The following ASTN2 variants were observed in gnomAD, a reference collection of about 807,000 sequenced individuals.
ASTN2 encodes the protein astrotactin 2.
A neutral mutation model predicts 139.8 loss-of-function variants in ASTN2; 54 were observed. That is an observed-to-expected ratio of 0.39 (90% CI 0.31 to 0.48). The LOEUF is 0.48. ASTN2 is among the 20% of genes least tolerant of loss of function. The pLI is 0.95. For synonymous variants in ASTN2, 756 were observed against 719.5 expected (o/e 1.05, Z -0.81); for missense variants, 1,565 against 1,725.1 (o/e 0.91, Z 1.64).
intron 3 of ASTN2, among the ~76,000 whole-genome samples, chr9:117,213,519 A>G (rs1832210476): frequency 6.6e-6 from 1 of 152,336 alleles, no homozygotes; most frequent in South Asian, 2.1e-4. Context: ...TCTGATCACC[A>G]TATATCATAT....
intron 2 of ASTN2, 105 bp from the exon 3 acceptor site, chr9:117,214,847 G>T: frequency 8.0e-7 from 1 of 1,253,508 alleles, no homozygotes; most frequent in Non-Finnish European, 1.0e-6. Context: ...CCTGGGTTTG[G>T]CTCATAGAGC....
At chr9:116,937,487 T>C (rs1374850534) in intron 10 of ASTN2, among the ~76,000 whole-genome samples, 1 of 152,252 alleles carries the variant, frequency 6.6e-6, no homozygotes, top group African/African-American at 2.4e-5. Flanking sequence ...CTTTATTTAC[T>C]GGCACTATCT....
In ASTN2 at chr9:116,802,173, G is replaced by A. The variant is rs1354786771; in HGVS notation, c.2396+3459C>T. On this transcript the variant is annotated intron_variant, in intron 13 of 22. Coordinates refer to ENST00000313400, the MANE Select transcript of ASTN2 (RefSeq NM_001365068.1). ...CCACTATAGGCTCACTGCAAGCTCC[G>A]CCTCCCGGGTTTACGCCCTTCTCCT... is the stretch of plus-strand genomic sequence containing the variant. 5.5e-5 allele frequency among the ~76,000 whole-genome samples: 8 copies of A among 144,808 alleles called. 1 individual carries two copies. The highest frequency in any genetic ancestry group is 4.4e-4 in the South Asian group (2 of 4,512). The allele number at this position is 144,808 out of a possible 152,430, so 95.0% of individuals were successfully genotyped here.
intron 19 of ASTN2, among the ~76,000 whole-genome samples, chr9:116,598,484 T>C (rs1156687059): frequency 1.3e-5 from 2 of 152,214 alleles, no homozygotes; most frequent in South Asian, 2.1e-4. Context: ...ATGAGGTTGG[T>C]GCAAAATTAA....
At chr9:116,945,060 T>C (rs911858359) in intron 10 of ASTN2, among the ~76,000 whole-genome samples, 7 of 152,206 alleles carry the variant, frequency 4.6e-5, no homozygotes, top group African/African-American at 1.2e-4. Context: ...CGGTGGTTTA[T>C]ATCTCAAAAT....
chr9:116,715,996 G>T (rs916583628), intron 16 of ASTN2, among the ~76,000 whole-genome samples: 3 of 152,168 alleles, frequency 2.0e-5, no homozygotes, highest in African/African-American at 7.2e-5. Flanking sequence ...AGGCCATTTT[G>T]TTCTCATTAA....
intron 13 of ASTN2, among the ~76,000 whole-genome samples, chr9:116,774,380 G>A (rs1441751): frequency 0.022 from 3,352 of 152,268 alleles, 46 homozygotes; most frequent in Non-Finnish European, 0.035. Context: ...AAGGTATCCT[G>A]GATCCATGAA....
intron 2 of ASTN2, among the ~76,000 whole-genome samples, chr9:117,232,206 T>C (rs990973085): frequency 3.3e-5 from 5 of 152,308 alleles, no homozygotes; most frequent in Non-Finnish European, 5.9e-5. Context: ...CATGAGTGTA[T>C]TGTCTTGTTT....
In ASTN2 at chr9:117,337,448, C is replaced by G. The variant is rs180752147; in HGVS notation, c.443-45935G>C. On this transcript the variant is annotated intron_variant, in intron 1 of 22. Coordinates refer to ENST00000313400, the MANE Select transcript of ASTN2 (RefSeq NM_001365068.1). ...ATTATCTACCATATGTTTCAAAAGA[C>G]CAGGTATGTGATTATGCCTGGCATT... is the stretch of plus-strand genomic sequence containing the variant. Among the ~76,000 whole-genome samples the G allele has an allele frequency of 2.1e-3, 325 of 152,160 alleles. 1 individual carries two copies. The highest frequency in any genetic ancestry group is 7.5e-3 in the African/African-American group (313 of 41,500).
intron 3 of ASTN2, among the ~76,000 whole-genome samples, chr9:117,194,769 G>T (rs144930036): frequency 6.6e-6 from 1 of 152,162 alleles, no homozygotes; most frequent in Admixed American, 6.5e-5. Flanking sequence ...TCCATTATTT[G>T]TAGTTGTATA....
chr9:117,401,078 G>C (rs538080925), intron 1 of ASTN2, among the ~76,000 whole-genome samples: 1 of 152,214 alleles, frequency 6.6e-6, no homozygotes, highest in African/African-American at 2.4e-5. Context: ...GCCGGGTACT[G>C]CTGAACATAC....
chr9:117,383,627 T>C (rs1830324863), intron 1 of ASTN2, among the ~76,000 whole-genome samples: 1 of 152,220 alleles, frequency 6.6e-6, no homozygotes, highest in Admixed American at 6.5e-5. Context: ...AGGAGAAATA[T>C]ATTGAAGGCG....
chr9:117,285,904 C>T (rs1260974756), intron 2 of ASTN2, among the ~76,000 whole-genome samples: 1 of 152,154 alleles, frequency 6.6e-6, no homozygotes. Flanking sequence ...TCTTCTCCTA[C>T]ATCAAACCAA....
intron 19 of ASTN2, among the ~76,000 whole-genome samples, chr9:116,566,499 C>G (rs960968072): frequency 6.6e-6 from 1 of 152,202 alleles, no homozygotes; most frequent in Non-Finnish European, 1.5e-5. Context: ...TCTCCATCCC[C>G]AGGACTCAGA....
chr9:117,230,644 A>T (rs1832862864), intron 2 of ASTN2, among the ~76,000 whole-genome samples: 1 of 152,202 alleles, frequency 6.6e-6, no homozygotes, highest in African/African-American at 2.4e-5. Context: ...ATTTAGTTGC[A>T]AGAGTCACTG....
At chr9:117,219,695 G>T (rs1222353071) in intron 2 of ASTN2, among the ~76,000 whole-genome samples, 2 of 152,212 alleles carry the variant, frequency 1.3e-5, no homozygotes, top group African/African-American at 2.4e-5. Context: ...CACCTTATGA[G>T]AATTTCAAGA....
Position 117,066,480 on chromosome 9 carries a change from C to T in ASTN2, c.1277-26515G>A, listed in dbSNP as rs1439931322. On this transcript the variant is annotated intron_variant, in intron 5 of 22. Coordinates refer to ENST00000313400, the MANE Select transcript of ASTN2 (RefSeq NM_001365068.1). ...TGTGAATAATGCTGCAATAAACATA[C>T]GTGTGCATGTGTCTTTATACTAGCA... Among the ~76,000 whole-genome samples, 225 of 148,792 alleles carry T rather than the reference C, an allele frequency of 1.5e-3. 2 individuals carry two copies. In the East Asian group the frequency reaches 0.036, roughly 24 times the overall value.
At chr9:116,573,013 GCACA>G (rs143295727) in intron 19 of ASTN2, among the ~76,000 whole-genome samples, 24 of 136,964 alleles carry the variant, frequency 1.8e-4, no homozygotes, top group East Asian at 1.6e-3. Flanking sequence ...GTGGGTACAT[GCACA>G]CACACACACA....
intron 6 of ASTN2, 125 bp from the exon 7 acceptor site, chr9:117,008,384 C>T: frequency 2.4e-6 from 2 of 817,500 alleles, no homozygotes; most frequent in Non-Finnish European, 3.6e-6. Context: ...TGTCTAAGTG[C>T]ACTTGCAATG....
Sources: gnomAD v4.1 joint callset for allele counts (sites outside exome capture counted in the v4.1 genomes callset) on GRCh38, gnomAD v4.1.1 for gene constraint, MANE v1.5 for transcripts, NCBI Gene and HGNC (gene_info 2026-07-23, HGNC 2026-07-21) for gene names.